Variants in NRG1 observed in about 807,000 individuals in gnomAD.
The protein encoded by NRG1 is pro-neuregulin-1, membrane-bound isoform.
In NRG1, 18 loss-of-function variants were observed where a neutral mutation model predicts 63.8. The ratio of observed to expected loss-of-function variants is 0.28; its 90% confidence interval spans 0.19 to 0.42. The LOEUF (loss-of-function observed/expected upper bound fraction) is 0.42, where lower values mean the gene tolerates loss of function less well. Among genes scored for constraint, NRG1 ranks in the 10% least tolerant of loss-of-function variants. The probability of loss-of-function intolerance (pLI) is 1.00; values close to 1 mark genes in which losing one functional copy is unlikely to be tolerated. For synonymous variants in NRG1, 302 were observed against 301.3 expected (o/e 1.00, Z -0.02); for missense variants, 762 against 814.7 (o/e 0.94, Z 0.79).
At chr8:32,747,003 G>A (rs1046583537) in intron 7 of NRG1, among the ~76,000 whole-genome samples, 4 of 151,452 alleles carry the variant, frequency 2.6e-5, no homozygotes, top group African/African-American at 9.7e-5. Flanking sequence ...AGGGCTTATG[G>A]CCAGAAGAGA....
intron 1 of NRG1, among the ~76,000 whole-genome samples, chr8:32,394,490 G>C (rs1214056733): frequency 2.0e-5 from 3 of 152,118 alleles, no homozygotes; most frequent in African/African-American, 7.2e-5. Flanking sequence ...TTGAGATTTT[G>C]CCTAATCCTT....
intron 1 of NRG1, among the ~76,000 whole-genome samples, chr8:32,159,251 T>C (rs967915463): frequency 6.6e-6 from 1 of 152,212 alleles, no homozygotes; most frequent in Non-Finnish European, 1.5e-5. Context: ...AGAAAAAGGC[T>C]TGGCCGGGCG....
At chr8:32,231,282 T>A (rs1846909367) in intron 1 of NRG1, among the ~76,000 whole-genome samples, 1 of 152,152 alleles carries the variant, frequency 6.6e-6, no homozygotes, top group Non-Finnish European at 1.5e-5. Context: ...TTTATCAAAT[T>A]TGTGTGCTGT....
At chr8:31,728,379 G>A (rs1005378918) in intron 1 of NRG1, among the ~76,000 whole-genome samples, 12 of 152,230 alleles carry the variant, frequency 7.9e-5, no homozygotes, top group African/African-American at 2.2e-4. Context: ...CAGGATAATC[G>A]CTTGAACCCC....
intron 1 of NRG1, among the ~76,000 whole-genome samples, chr8:32,182,791 G>T: frequency 6.6e-6 from 1 of 150,542 alleles, no homozygotes; most frequent in East Asian, 1.9e-4. Flanking sequence ...TTTTTGCTGT[G>T]AAAAAAAAAT....
At chr8:31,910,226 G>A (rs1832831285) in intron 1 of NRG1, among the ~76,000 whole-genome samples, 1 of 152,226 alleles carries the variant, frequency 6.6e-6, no homozygotes, top group Non-Finnish European at 1.5e-5. Context: ...CCATGAGGCG[G>A]GAAGAAGCTA....
In NRG1 at chr8:32,696,656, CTTTTTTTTTT is replaced by C. The variant is rs143232293; in HGVS notation, c.503-31280_503-31271del. ...AAGGTTAAAATACAATATAATCTAT[CTTTTTTTTTT>C]TTTTTTTTTTTTGACACAGAGTCGT... On this transcript the variant is annotated intron_variant, in intron 5 of 11. Coordinates refer to ENST00000356819, the Ensembl canonical transcript of NRG1. 2.2e-3 allele frequency among the ~76,000 whole-genome samples: 193 copies of C among 86,590 alleles called. 1 individual carries two copies. Among genetic ancestry groups the C allele is most frequent in the African/African-American group, 7.8e-3 (180 of 23,148 alleles). The allele number at this position is 86,590 out of a possible 152,430, so 56.8% of individuals were successfully genotyped here.
intron 1 of NRG1, among the ~76,000 whole-genome samples, chr8:31,917,832 C>T (rs1833538785): frequency 6.6e-6 from 1 of 152,162 alleles, no homozygotes; most frequent in Non-Finnish European, 1.5e-5. Flanking sequence ...CTCTTCCTAC[C>T]CATGAGCATG....
At chr8:31,761,533 T>C (rs2131519307) in intron 1 of NRG1, among the ~76,000 whole-genome samples, 1 of 152,238 alleles carries the variant, frequency 6.6e-6, no homozygotes, top group Non-Finnish European at 1.5e-5. Flanking sequence ...TAGAGGTTCC[T>C]GGAGGGTTAT....
At position 31,782,164 on chromosome 8, in the gene NRG1, A is replaced by G. The variant is rs763818674; in HGVS notation, c.37+142733A>G. ...CCAAATTTCTCCCTCTTGCTCTCCC[A>G]TTCTAGGGAATCTGGCCTTCTTCTT... On this transcript the variant is annotated intron_variant, in intron 1 of 10. Transcript: ENST00000519301. Among the ~76,000 whole-genome samples, 130 of 152,212 alleles carry G rather than the reference A, an allele frequency of 8.5e-4. 1 individual carries two copies. The highest frequency in any genetic ancestry group is 1.6e-3 in the Admixed American group (25 of 15,270).
intron 1 of NRG1, among the ~76,000 whole-genome samples, chr8:31,969,030 A>G (rs1471209243): frequency 6.6e-6 from 1 of 152,152 alleles, no homozygotes; most frequent in Non-Finnish European, 1.5e-5. Flanking sequence ...CAACCATGGT[A>G]GTCTAATCAC....
intron 1 of NRG1, among the ~76,000 whole-genome samples, chr8:32,265,509 A>G (rs1194663825): frequency 6.6e-6 from 1 of 152,118 alleles, no homozygotes; most frequent in East Asian, 1.9e-4. Context: ...ACCATGGGTC[A>G]AAAATATTCA....
At chr8:32,680,531 G>C (rs1808333682) in intron 5 of NRG1, among the ~76,000 whole-genome samples, 1 of 152,136 alleles carries the variant, frequency 6.6e-6, no homozygotes, top group South Asian at 2.1e-4. Context: ...TGGAGATTTA[G>C]CCATAGGTGG....
chr8:32,489,224 T>C (rs1411365881), intron 1 of NRG1, among the ~76,000 whole-genome samples: 1 of 152,174 alleles, frequency 6.6e-6, no homozygotes, highest in Non-Finnish European at 1.5e-5. Context: ...GTGTGTTTAC[T>C]GGCGTTGTAC....
At chr8:32,029,735 G>A (rs964986351) in intron 1 of NRG1, among the ~76,000 whole-genome samples, 1 of 152,106 alleles carries the variant, frequency 6.6e-6, no homozygotes, top group Non-Finnish European at 1.5e-5. Flanking sequence ...CCTATGTGAA[G>A]AATTACTAAG....
chr8:32,315,544 C>T (rs1387925878), intron 1 of NRG1, among the ~76,000 whole-genome samples: 2 of 152,158 alleles, frequency 1.3e-5, no homozygotes, highest in Non-Finnish European at 2.9e-5. Context: ...AACATATGCA[C>T]ACTCACCGAA....
At chr8:32,733,008 C>T (rs1325986943) in intron 6 of NRG1, among the ~76,000 whole-genome samples, 4 of 151,838 alleles carry the variant, frequency 2.6e-5, no homozygotes, top group East Asian at 1.9e-4. Flanking sequence ...GGTTTCACCA[C>T]GTTGGTCAGG....
chr8:31,814,121 CAT>C (rs987502269), intron 1 of NRG1, among the ~76,000 whole-genome samples: 2 of 152,150 alleles, frequency 1.3e-5, no homozygotes, highest in Non-Finnish European at 2.9e-5. Flanking sequence ...GGAACTATGA[CAT>C]GGAATATACC....
intron 1 of NRG1, among the ~76,000 whole-genome samples, chr8:31,727,673 C>T (rs1343148015): frequency 1.3e-5 from 2 of 152,122 alleles, no homozygotes; most frequent in East Asian, 3.9e-4. Flanking sequence ...CCCTCCATTA[C>T]TGAATGGGGC....
Sources: allele counts gnomAD v4.1 joint callset (sites outside exome capture counted in the v4.1 genomes callset), GRCh38; gene constraint gnomAD v4.1.1; transcripts MANE v1.5; gene names NCBI Gene and HGNC (gene_info 2026-07-23, HGNC 2026-07-21).